The following HNRNPH3 variants were observed in gnomAD, a reference collection of about 807,000 sequenced individuals.
HNRNPH3 encodes heterogeneous nuclear ribonucleoprotein H3.
A neutral mutation model predicts 47.0 loss-of-function variants in HNRNPH3; 7 were observed. That is an observed-to-expected ratio of 0.15 (90% confidence interval 0.08 to 0.28). HNRNPH3 has a LOEUF of 0.28. HNRNPH3 is among the 10% of genes least tolerant of loss of function. The pLI is 1.00. For missense variants in HNRNPH3, 279 were observed against 449.6 expected (o/e 0.62, Z 3.43); for synonymous variants, 120 against 143.2 (o/e 0.84, Z 1.16).
chr10:68,333,936 A>G (rs1286454765), intron 1 of HNRNPH3, among the ~76,000 whole-genome samples: 1 of 152,244 alleles, frequency 6.6e-6, no homozygotes, highest in Admixed American at 6.5e-5. Context: ...GTAAAGTTAT[A>G]TATGATATAA....
chr10:68,332,481 C>A (rs1370600359), intron 1 of HNRNPH3, among the ~76,000 whole-genome samples: 1 of 152,240 alleles, frequency 6.6e-6, no homozygotes, highest in East Asian at 1.9e-4. Flanking sequence ...TTCCCCTTTC[C>A]CTGCTGGCTT....
At position 68,339,638 on chromosome 10, in the gene HNRNPH3, T is replaced by C. The variant is rs954764961; in HGVS notation, c.639+83T>C. On this transcript the variant is annotated intron_variant, in intron 6 of 9. Transcript: ENST00000265866. ...TAAGCATTCTTAATGTTCTCATGTT[T>C]ATAGCTTAATACCAAAATCCCTTGA... 1.1e-5 allele frequency: 9 copies of C among 795,298 alleles called. No individual in the cohort carries two copies. In the East Asian group the frequency reaches 1.6e-4, roughly 14 times the overall value. 49.3% of individuals were successfully genotyped at this position (795,298 alleles called of 1,614,324 possible).
At chr10:68,338,778 GTACCTAT>G in intron 4 of HNRNPH3, 91 bp downstream of exon 4, 1 of 1,074,630 alleles carries the variant, frequency 9.3e-7, no homozygotes, top group South Asian at 1.9e-5. Flanking sequence ...AGTAATTTCA[GTACCTAT>G]TAGGTTTTAA....
Position 68,332,133 on chromosome 10 carries a change from A to G in HNRNPH3, c.-107A>G, listed in dbSNP as rs1381560144. 6.6e-6 allele frequency: 1 copy of G among 152,280 alleles called. No homozygotes were observed. Among genetic ancestry groups the G allele is most frequent in the East Asian group, 1.9e-4 (1 of 5,194 alleles). The allele number at this position is 152,280 out of a possible 1,614,324, so 9.4% of individuals were successfully genotyped here. A position where few individuals can be genotyped will look rare whatever the true frequency, so the allele number is the denominator to read the frequency against. On this transcript the variant is annotated 5_prime_UTR_variant, in exon 1 of 10. Transcript: ENST00000265866. ...GACGGTTGGGAGAACCGTTGTGGCG[A>G]GCGCTACACGAGGCAAACGACTTCT...
At position 68,337,171 on chromosome 10, in the gene HNRNPH3, G is replaced by C. The variant is rs373430916; in HGVS notation, c.-23-28G>C. ...TGACAAGAGTATATTTTGATTGACT[G>C]CTCTATGTGCTTGTTTATTTTTTAT... On this transcript the variant is annotated intron_variant, in intron 1 of 9. Coordinates refer to ENST00000265866, the MANE Select transcript of HNRNPH3 (RefSeq NM_012207.3). The surrounding 1 kb of genome is among the most constrained non-coding windows in gnomAD (Gnocchi z 4.5). 1.8e-5 allele frequency: 20 copies of C among 1,084,368 alleles called. No homozygotes were observed. Among genetic ancestry groups the C allele is most frequent in the Non-Finnish European group, 2.7e-5 (19 of 705,180 alleles). 67.2% of individuals were successfully genotyped at this position (1,084,368 alleles called of 1,614,324 possible). A position where few individuals can be genotyped will look rare whatever the true frequency, so the allele number is the denominator to read the frequency against.
rs867659005 is a variant in HNRNPH3, at chr10:68,332,422, G to A, written c.-24+206G>A. Among the ~76,000 whole-genome samples, 11 of 152,324 alleles carry A rather than the reference G, an allele frequency of 7.2e-5. No homozygotes were observed. The South Asian group carries it at 2.3e-3, about 32-fold the overall frequency. On this transcript the variant is annotated intron_variant, in intron 1 of 9. Coordinates refer to ENST00000265866, the MANE Select transcript of HNRNPH3 (RefSeq NM_012207.3). ...TGCCGATGGGAGGACTTGCTCAGGTGGAATTCAGTGGACGACGCCGAGGCC... is the reference window on the plus strand; with the variant it reads ...TGCCGATGGGAGGACTTGCTCAGGTAGAATTCAGTGGACGACGCCGAGGCC...
chr10:68,338,719 G>A lies in HNRNPH3; in HGVS notation c.436+32G>A, dbSNP rs1589708708. On this transcript the variant is annotated intron_variant, in intron 4 of 9. Coordinates refer to ENST00000265866, the MANE Select transcript of HNRNPH3 (RefSeq NM_012207.3). ...GTATCTAATGAACAAAGGTTCTGTT[G>A]TCATTTTCTTAATGTTCCTGACACT... 15 of 1,489,194 alleles carry A rather than the reference G, an allele frequency of 1.0e-5. No individual in the cohort carries two copies. The East Asian group carries it at 3.0e-4, about 30-fold the overall frequency. The allele number at this position is 1,489,194 out of a possible 1,614,324, so 92.2% of individuals were successfully genotyped here.
In HNRNPH3 at chr10:68,337,350, T is replaced by A; in HGVS notation, c.112+17T>A. The A allele has an allele frequency of 7.3e-7, 1 of 1,361,508 alleles. No homozygotes were observed. Among genetic ancestry groups the A allele is most frequent in the Non-Finnish European group, 1.1e-6 (1 of 951,204 alleles). The allele number at this position is 1,361,508 out of a possible 1,614,324, so 84.3% of individuals were successfully genotyped here. The stretch of plus-strand genomic sequence containing the variant: ...TCTTTCAAGGTACCTCTAGTATTAG[T>A]CAAAGTTTAGTAGTATTGTAATTTT... On this transcript the variant is annotated intron_variant, in intron 2 of 9. Coordinates refer to ENST00000265866, the MANE Select transcript of HNRNPH3 (RefSeq NM_012207.3). The surrounding 1 kb of genome is among the most constrained non-coding windows in gnomAD (Gnocchi z 4.5).
intron 1 of HNRNPH3, among the ~76,000 whole-genome samples, chr10:68,335,256 T>G (rs948327294): frequency 2.6e-5 from 4 of 151,162 alleles, no homozygotes; most frequent in Non-Finnish European, 4.4e-5. Context: ...TTTTTAAGCA[T>G]TTGCTCCTTA....
rs55863130 is a variant in HNRNPH3, at chr10:68,337,745, TTTTTG to T, written c.113-94_113-90del. 7.4e-5 allele frequency: 58 copies of T among 782,972 alleles called. No homozygotes were observed. Among genetic ancestry groups the T allele is most frequent in the East Asian group, 2.4e-4 (9 of 38,212 alleles). The allele number at this position is 782,972 out of a possible 1,614,324, so 48.5% of individuals were successfully genotyped here. A position where few individuals can be genotyped will look rare whatever the true frequency, so the allele number is the denominator to read the frequency against. ...TTATGGGGTGATGGGAAACTAAGCT[TTTTTG>T]TTTTGTTTTGTTTTGTTTAGACTTG... On this transcript the variant is annotated intron_variant, in intron 2 of 9. Transcript: ENST00000265866. The surrounding 1 kb of genome is among the most constrained non-coding windows in gnomAD (Gnocchi z 4.5).
Position 68,339,137 on chromosome 10 carries a change from C to T in HNRNPH3, c.437-3C>T. 6.3e-7 allele frequency: 1 copy of T among 1,591,416 alleles called. No individual in the cohort carries two copies. Among genetic ancestry groups the T allele is most frequent in the Non-Finnish European group, 8.6e-7 (1 of 1,165,882 alleles). ...GTCATGTGTTTCTCCTTAAATTACA[C>T]AGGTTATGGAGGTTTTGATGACTAT... On this transcript the variant is annotated splice_region_variant and splice_polypyrimidine_tract_variant and intron_variant, in intron 4 of 9. Transcript: ENST00000265866.
Position 68,333,573 on chromosome 10 carries a change from G to A in HNRNPH3, c.-24+1357G>A, listed in dbSNP as rs191183717. On this transcript the variant is annotated intron_variant, in intron 1 of 9. Transcript: ENST00000265866. Reference sequence around the variant, plus strand: ...CTTTAGTGTAGGAGTATAGTACACTGTAATCGTATTTTAAACAAGGGAATA... The same window carrying A: ...CTTTAGTGTAGGAGTATAGTACACTATAATCGTATTTTAAACAAGGGAATA... 2.0e-5 allele frequency among the ~76,000 whole-genome samples: 3 copies of A among 152,234 alleles called. No individual in the cohort carries two copies. In the East Asian group the frequency reaches 5.8e-4, roughly 29 times the overall value.
chr10:68,339,461 G>A lies in HNRNPH3; in HGVS notation c.545G>A (p.Gly182Asp). 1 of 1,613,902 alleles carries A rather than the reference G, an allele frequency of 6.2e-7. No homozygotes were observed. Among genetic ancestry groups the A allele is most frequent in the Non-Finnish European group, 8.5e-7 (1 of 1,179,878 alleles). ...DGRGMGGHGY[G>D]GAGDASSGFH... ...CCAGGTATGGGAGGACATGGCTATGGTGGAGCTGGTGATGCAAGTTCAGGT... is the reference window on the plus strand; with the variant it reads ...CCAGGTATGGGAGGACATGGCTATGATGGAGCTGGTGATGCAAGTTCAGGT... The change falls in exon 6 of 10, where the codon GGT (glycine) becomes GAT (aspartate). Residue 182 changes from glycine (G) to aspartate (D), a missense_variant. Gly to Asp is a moderately conservative substitution (Grantham distance 94). Coordinates refer to ENST00000265866, the MANE Select transcript of HNRNPH3 (RefSeq NM_012207.3).
intron 1 of HNRNPH3, among the ~76,000 whole-genome samples, chr10:68,335,642 T>G (rs2045508237): frequency 6.6e-6 from 1 of 152,206 alleles, no homozygotes; most frequent in Non-Finnish European, 1.5e-5. Flanking sequence ...GTTCACATAT[T>G]TTGTGTATGG....
At chr10:68,332,692 G>A (rs1208319372) in intron 1 of HNRNPH3, 2 of 152,540 alleles carry the variant, frequency 1.3e-5, no homozygotes, top group East Asian at 1.9e-4. Flanking sequence ...GGGAGGATCG[G>A]GTTTGCCGGG....
chr10:68,334,630 A>G (rs1459914535), intron 1 of HNRNPH3, among the ~76,000 whole-genome samples: 1 of 152,206 alleles, frequency 6.6e-6, no homozygotes, highest in Non-Finnish European at 1.5e-5. Context: ...TAGAAATGGA[A>G]TCATGCAATA....
intron 1 of HNRNPH3, among the ~76,000 whole-genome samples, chr10:68,336,312 T>A (rs978358966): frequency 1.3e-5 from 2 of 152,144 alleles, no homozygotes; most frequent in East Asian, 3.8e-4. Context: ...TTGTAAATAT[T>A]ATGGAATTTT....
chr10:68,342,786 GTAGGGT>G lies in HNRNPH3; in HGVS notation c.*735_*740del, dbSNP rs1250026615. The G allele has an allele frequency of 6.5e-6, 1 of 152,708 alleles. No individual in the cohort carries two copies. Among genetic ancestry groups the G allele is most frequent in the East Asian group, 1.9e-4 (1 of 5,184 alleles). 9.5% of individuals were successfully genotyped at this position (152,708 alleles called of 1,614,324 possible). A position where few individuals can be genotyped will look rare whatever the true frequency, so the allele number is the denominator to read the frequency against. ...GCAGGTTATCGCAAGATGTCTTAGAGTAGGGTTAAGGTTCTCAGTGACACAAGAATT... is the reference window on the plus strand; with the variant it reads ...GCAGGTTATCGCAAGATGTCTTAGAGTAAGGTTCTCAGTGACACAAGAATT... On this transcript the variant is annotated 3_prime_UTR_variant, in exon 10 of 10. Transcript: ENST00000265866.
chr10:68,338,438 C>G, intron 3 of HNRNPH3, 65 bp from the exon 4 acceptor site: 1 of 964,088 alleles, frequency 1.0e-6, no homozygotes, highest in Non-Finnish European at 1.5e-6. Context: ...CTGCATTTTG[C>G]CCAGTATCTA....
Sources: gnomAD v4.1 joint callset for allele counts (sites outside exome capture counted in the v4.1 genomes callset) on GRCh38, gnomAD v4.1.1 for gene constraint, Gnocchi (gnomAD v3.1) non-coding constraint, MANE v1.5 for transcripts, NCBI Gene and HGNC (gene_info 2026-07-23, HGNC 2026-07-21) for gene names.